Variants in MARCHF10 observed in about 807,000 individuals in gnomAD.
MARCHF10 encodes membrane associated ring-CH-type finger 10.
In MARCHF10, 64 loss-of-function variants were observed where a neutral mutation model predicts 76.2. That is an observed-to-expected ratio of 0.84 (90% CI 0.69 to 1.03). The LOEUF is 1.03. Ranked by LOEUF, MARCHF10 falls within the 50% of genes least tolerant of loss-of-function variation. The probability of loss-of-function intolerance (pLI) is 0.00; values close to 1 mark genes in which losing one functional copy is unlikely to be tolerated. For synonymous variants in MARCHF10, 340 were observed against 357.5 expected, an observed-to-expected ratio of 0.95 and a Z score of 0.55; for missense variants, 875 against 958.0, an observed-to-expected ratio of 0.91 and a Z score of 1.14.
chr17:62,746,948 G>C (rs368791164), intron 4 of MARCHF10: 3 of 1,536,002 alleles, frequency 2.0e-6, no homozygotes, highest in Non-Finnish European at 2.6e-6. Context: ...GTCTGTTTCC[G>C]GTTTATTCCA....
At chr17:62,785,930 G>A (rs964759567) in intron 3 of MARCHF10, among the ~76,000 whole-genome samples, 12 of 152,204 alleles carry the variant, frequency 7.9e-5, no homozygotes, top group African/African-American at 2.9e-4. Context: ...CTGTTGGTGA[G>A]AGTGTAAATT....
intron 5 of MARCHF10, among the ~76,000 whole-genome samples, chr17:62,743,243 C>T (rs2091579826): frequency 2.0e-5 from 3 of 152,134 alleles, no homozygotes; most frequent in Admixed American, 1.3e-4. Context: ...ATCACTGGGA[C>T]CCTGTGGACA....
intron 3 of MARCHF10, among the ~76,000 whole-genome samples, chr17:62,764,959 C>T (rs1349753312): frequency 6.6e-6 from 1 of 152,198 alleles, no homozygotes; most frequent in Non-Finnish European, 1.5e-5. Context: ...CTGCTGCTGA[C>T]TCTCATCTGT....
chr17:62,733,928 A>AAT (rs2091145909), intron 6 of MARCHF10, among the ~76,000 whole-genome samples: 1 of 152,206 alleles, frequency 6.6e-6, no homozygotes, highest in Non-Finnish European at 1.5e-5. Flanking sequence ...TCATGCCTGT[A>AAT]ATCCAGGACT....
In MARCHF10 at chr17:62,801,658, G is replaced by A. The variant is rs778856175; in HGVS notation, c.78C>T (p.Asp26=). 3 of 1,613,840 alleles carry A rather than the reference G, an allele frequency of 1.9e-6. No individual in the cohort carries two copies. Among genetic ancestry groups the A allele is most frequent in the African/African-American group, 2.7e-5 (2 of 74,902 alleles). Residue 26 remains aspartate (D), a synonymous_variant, in exon 2 of 11, where the codon GAC becomes GAT. Coordinates refer to ENST00000311269, the MANE Select transcript of MARCHF10 (RefSeq NM_152598.4). ...TTTCTGCAATTACCTGATACTCAGA[G>A]TCCACCTTATGCTGCATGTCCCGCA... ...QYLRDMQHKV[D]SEYQACLRRQ... is the part of the protein sequence containing the mutation.
In MARCHF10 at chr17:62,736,024, T is replaced by A. The variant is rs375714222; in HGVS notation, c.1844A>T (p.Asn615Ile). The change falls in exon 6 of 11, where the codon AAT becomes ATT. Residue 615 changes from asparagine (N) to isoleucine (I), a missense_variant. Coordinates refer to ENST00000311269, the MANE Select transcript of MARCHF10 (RefSeq NM_152598.4). The part of the protein sequence containing the change: ...AVSHFPNQND[N>I]GSRMAASGFT... Reference sequence around the variant, plus strand: ...ACCAGAGGCTGCCATCCTGCTCCCATTATCATTTTGATTTGGGAAATGAGA... The same window carrying A: ...ACCAGAGGCTGCCATCCTGCTCCCAATATCATTTTGATTTGGGAAATGAGA... 6 of 1,614,182 alleles carry A rather than the reference T, an allele frequency of 3.7e-6. No homozygotes were observed. The highest frequency in any genetic ancestry group is 5.1e-6 in the Non-Finnish European group (6 of 1,180,016).
intron 5 of MARCHF10, among the ~76,000 whole-genome samples, chr17:62,742,329 A>G (rs2091545457): frequency 6.6e-6 from 1 of 151,734 alleles, no homozygotes; most frequent in Admixed American, 6.6e-5. Flanking sequence ...CTCCTTCCTT[A>G]TTTTTCTATT....
At chr17:62,743,667 A>T (rs191675460) in intron 5 of MARCHF10, among the ~76,000 whole-genome samples, 1 of 152,296 alleles carries the variant, frequency 6.6e-6, no homozygotes, top group African/African-American at 2.4e-5. Context: ...CAATAAAAAA[A>T]TAAAGGCAAC....
At chr17:62,705,646 ACCT>A (rs1184489363) in intron 9 of MARCHF10, 65 bp from the exon 10 acceptor site, 20 of 1,590,850 alleles carry the variant, frequency 1.3e-5, no homozygotes, top group Middle Eastern at 1.7e-4. Context: ...CAGATGTATA[ACCT>A]CCTAGTCGCA....
At chr17:62,730,279 T>C (rs2090966633) in intron 6 of MARCHF10, among the ~76,000 whole-genome samples, 1 of 152,028 alleles carries the variant, frequency 6.6e-6, no homozygotes, top group Non-Finnish European at 1.5e-5. Context: ...TGATGGAGCA[T>C]TTCACGCAGT....
At chr17:62,773,055 T>G (rs2092477111) in intron 3 of MARCHF10, among the ~76,000 whole-genome samples, 1 of 151,986 alleles carries the variant, frequency 6.6e-6, no homozygotes, top group African/African-American at 2.4e-5. Flanking sequence ...ATCTAGGGAG[T>G]TCACCATGCG....
intron 2 of MARCHF10, among the ~76,000 whole-genome samples, chr17:62,793,808 C>CAT: frequency 1.3e-5 from 2 of 148,782 alleles, no homozygotes; most frequent in African/African-American, 2.5e-5. Flanking sequence ...CCACCTCCAT[C>CAT]GACCACCACC....
At chr17:62,741,217 C>G (rs1378331288) in intron 5 of MARCHF10, among the ~76,000 whole-genome samples, 2 of 152,180 alleles carry the variant, frequency 1.3e-5, no homozygotes, top group Admixed American at 6.5e-5. Context: ...AATTTGTTAA[C>G]TCTTCCCCTA....
chr17:62,775,413 C>T (rs1055024765), intron 3 of MARCHF10, among the ~76,000 whole-genome samples: 7 of 151,732 alleles, frequency 4.6e-5, no homozygotes, highest in African/African-American at 1.7e-4. Flanking sequence ...GGCATGAGCC[C>T]GGCCCCCATA....
Position 62,793,262 on chromosome 17 carries a change from CCCA to C in MARCHF10, c.91-4666_91-4664del, listed in dbSNP as rs375516066. Among the ~76,000 whole-genome samples the C allele has an allele frequency of 1.2e-3, 167 of 133,902 alleles. 1 individual carries two copies. Among genetic ancestry groups the C allele is most frequent in the African/African-American group, 4.2e-3 (152 of 35,834 alleles). 87.8% of individuals were successfully genotyped at this position (133,902 alleles called of 152,430 possible). A position where few individuals can be genotyped will look rare whatever the true frequency, so the allele number is the denominator to read the frequency against. ...TCCACCACCACCACAACTATCACCA[CCCA>C]CCACCACCACAACCATCACCACCCA... On this transcript the variant is annotated intron_variant, in intron 2 of 10. Transcript: ENST00000311269.
chr17:62,703,941 C>A (rs1354340980), intron 10 of MARCHF10, among the ~76,000 whole-genome samples: 2 of 152,176 alleles, frequency 1.3e-5, no homozygotes, highest in Admixed American at 6.5e-5. Context: ...TCGCCCTGGG[C>A]ACTAGGGGTC....
intron 8 of MARCHF10, among the ~76,000 whole-genome samples, chr17:62,720,853 A>G (rs998752743): frequency 6.8e-6 from 1 of 147,842 alleles, no homozygotes; most frequent in Non-Finnish European, 1.5e-5. Flanking sequence ...TGCTCCGGTA[A>G]GTTGTGATTT....
intron 6 of MARCHF10, among the ~76,000 whole-genome samples, chr17:62,729,559 T>C (rs1022464182): frequency 2.0e-5 from 3 of 148,040 alleles, no homozygotes; most frequent in Admixed American, 6.8e-5. Context: ...AATATACAAA[T>C]ATAAATGTAT....
In MARCHF10 at chr17:62,788,445, A is replaced by C. The variant is rs372597226; in HGVS notation, c.210+35T>G. ...CACCACCACCACCAGCAGCAGCAGC[A>C]GCCCCAGGAGACTGTCTCCCAGAAT... On this transcript the variant is annotated intron_variant, in intron 3 of 10. Transcript: ENST00000311269. 3 of 1,612,636 alleles carry C rather than the reference A, an allele frequency of 1.9e-6. No homozygotes were observed. The African/African-American group carries it at 4.0e-5, about 22-fold the overall frequency.
Sources: allele counts gnomAD v4.1 joint callset (sites outside exome capture counted in the v4.1 genomes callset), GRCh38; gene constraint gnomAD v4.1.1; transcripts MANE v1.5; gene names NCBI Gene and HGNC (gene_info 2026-07-23, HGNC 2026-07-21).